The following STOX2 variants were observed in gnomAD, a reference collection of about 807,000 sequenced individuals.
STOX2 encodes the protein storkhead box 2.
Under a neutral mutation model 60.9 loss-of-function variants are expected in STOX2, and 28 were observed. The ratio of observed to expected loss-of-function variants is 0.46; its 90% CI spans 0.34 to 0.63. The LOEUF (loss-of-function observed/expected upper bound fraction) is 0.63. Among genes scored for constraint, STOX2 ranks in the 30% least tolerant of loss-of-function variants. The pLI is 0.01. For synonymous variants in STOX2, 472 were observed against 463.9 expected (o/e 1.02, Z -0.22); for missense variants, 1,024 against 1,187.7 (o/e 0.86, Z 2.03).
At chr4:183,987,318 T>G (rs1732887992) in intron 1 of STOX2, among the ~76,000 whole-genome samples, 1 of 152,102 alleles carries the variant, frequency 6.6e-6, no homozygotes, top group Non-Finnish European at 1.5e-5. Context: ...CTACATGTTT[T>G]CTCTGCTGGC....
intron 1 of STOX2, among the ~76,000 whole-genome samples, chr4:183,897,035 G>A (rs1436655929): frequency 6.6e-6 from 1 of 152,176 alleles, no homozygotes; most frequent in East Asian, 1.9e-4. Context: ...TGCTCTGCCT[G>A]TTGAAGCTTG....
At chr4:183,877,411 C>T (rs1226291528) in intron 1 of STOX2, among the ~76,000 whole-genome samples, 4 of 152,264 alleles carry the variant, frequency 2.6e-5, no homozygotes, top group South Asian at 4.1e-4. Context: ...ACATGAACAC[C>T]AGCCAGTATG....
chr4:183,888,365 C>T (rs62340434), intron 1 of STOX2, among the ~76,000 whole-genome samples: 4,708 of 152,268 alleles, frequency 0.031, 102 homozygotes, highest in South Asian at 0.085. Flanking sequence ...TTATTTTCCC[C>T]GTTTTACAGC....
chr4:183,847,943 C>T (rs1158683036), intron 1 of STOX2, among the ~76,000 whole-genome samples: 1 of 151,984 alleles, frequency 6.6e-6, no homozygotes, highest in Admixed American at 6.6e-5. Flanking sequence ...TACCTTATTA[C>T]CTTTGGTATA....
intron 1 of STOX2, among the ~76,000 whole-genome samples, chr4:183,957,001 G>A (rs1288326685): frequency 1.9e-5 from 2 of 106,616 alleles, no homozygotes; most frequent in Admixed American, 2.8e-4. Flanking sequence ...ATCACACAGT[G>A]TTGTGGGGTG....
chr4:184,000,301 G>C (rs988816618), intron 1 of STOX2, among the ~76,000 whole-genome samples: 1 of 152,138 alleles, frequency 6.6e-6, no homozygotes, highest in Non-Finnish European at 1.5e-5. Flanking sequence ...TATTTGCATT[G>C]TAGGTTGACA....
intron 1 of STOX2, among the ~76,000 whole-genome samples, chr4:183,928,886 C>T (rs1049788583): frequency 1.3e-5 from 2 of 151,738 alleles, no homozygotes; most frequent in Non-Finnish European, 2.9e-5. Context: ...ACCAACCCAC[C>T]ACAGCTGCTG....
At chr4:184,008,153 C>T (rs765702217) in intron 2 of STOX2, among the ~76,000 whole-genome samples, 4 of 152,110 alleles carry the variant, frequency 2.6e-5, no homozygotes, top group Non-Finnish European at 4.4e-5. Flanking sequence ...TCAAGCTGAC[C>T]GATTTCAGGT....
chr4:184,009,136 G>GTTTTTTT lies in STOX2; in HGVS notation c.320-10_320-4dup. 1.4e-5 allele frequency: 10 copies of GTTTTTTT among 716,336 alleles called. No homozygotes were observed. Among genetic ancestry groups the GTTTTTTT allele is most frequent in the East Asian group, 5.8e-5 (2 of 34,318 alleles). The allele number at this position is 716,336 out of a possible 1,614,324, so 44.4% of individuals were successfully genotyped here. On this transcript the variant is annotated intron_variant, in intron 2 of 3. Transcript: ENST00000308497. The surrounding 1 kb of genome is among the most constrained non-coding windows in gnomAD (Gnocchi z 4.0). ...TGTTCTGTCTTCATTCTCACAAGTG[G>GTTTTTTT]TTTTTTTTTTTTTTTTTTCAGGTGT... is the stretch of plus-strand genomic sequence containing the variant.
At chr4:183,832,895 G>A (rs1478989922) in intron 1 of STOX2, among the ~76,000 whole-genome samples, 1 of 152,190 alleles carries the variant, frequency 6.6e-6, no homozygotes, top group Admixed American at 6.5e-5. Flanking sequence ...GTATATTTAA[G>A]GAACAGTGAT....
chr4:183,943,434 T>C (rs1419797258), intron 1 of STOX2, among the ~76,000 whole-genome samples: 3 of 152,158 alleles, frequency 2.0e-5, no homozygotes. Flanking sequence ...GAAACAAAAA[T>C]GAGTTAATTC....
At chr4:183,902,356 GTAAT>G (rs1358457070), upstream of STOX2, among the ~76,000 whole-genome samples, 1 of 152,180 alleles carries the variant, frequency 6.6e-6, no homozygotes, top group Non-Finnish European at 1.5e-5. Context: ...GCAAATCTGT[GTAAT>G]TAGTGTCTCT....
At chr4:183,842,489 T>C (rs1241157073) in intron 1 of STOX2, among the ~76,000 whole-genome samples, 1 of 152,194 alleles carries the variant, frequency 6.6e-6, no homozygotes, top group African/African-American at 2.4e-5. Context: ...TTGATTTCGC[T>C]AACCCCAGGA....
At chr4:183,973,821 C>G (rs1254377735) in intron 1 of STOX2, among the ~76,000 whole-genome samples, 1 of 152,152 alleles carries the variant, frequency 6.6e-6, no homozygotes, top group Non-Finnish European at 1.5e-5. Context: ...TGGGGAAACC[C>G]CATCTCTACT....
chr4:183,882,444 A>C (rs1302237519), intron 1 of STOX2, among the ~76,000 whole-genome samples: 1 of 152,236 alleles, frequency 6.6e-6, no homozygotes, highest in East Asian at 1.9e-4. Flanking sequence ...GGGATATTGC[A>C]AGAGTTCAGT....
chr4:183,892,726 G>A (rs1411015685), intron 1 of STOX2, among the ~76,000 whole-genome samples: 1 of 152,128 alleles, frequency 6.6e-6, no homozygotes, highest in African/African-American at 2.4e-5. Context: ...TCTCATAATC[G>A]ATACATACTT....
At chr4:183,920,233 C>T (rs150423010) in intron 1 of STOX2, among the ~76,000 whole-genome samples, 4 of 152,104 alleles carry the variant, frequency 2.6e-5, no homozygotes, top group Admixed American at 6.5e-5. Flanking sequence ...CTCCTGCCTC[C>T]GCCTCCTGAG....
At chr4:183,888,583 G>A (rs558249585) in intron 1 of STOX2, among the ~76,000 whole-genome samples, 1 of 152,310 alleles carries the variant, frequency 6.6e-6, no homozygotes, top group South Asian at 2.1e-4. Flanking sequence ...GGCTGGTACT[G>A]AGGCAGCACC....
At position 183,973,753 on chromosome 4, in the gene STOX2, T is replaced by C. The variant is rs565768402; in HGVS notation, c.167-27572T>C. Among the ~76,000 whole-genome samples the C allele has an allele frequency of 3.1e-4, 47 of 152,338 alleles. 1 individual carries two copies. In the South Asian group the frequency reaches 9.3e-3, roughly 30 times the overall value. ...GCTCATGCCTCTGATCTCAGCACTT[T>C]GGGAGGCCGAGGTGGGTGGATCACG... On this transcript the variant is annotated intron_variant, in intron 1 of 3. Transcript: ENST00000308497.
Sources: allele counts gnomAD v4.1 joint callset (sites outside exome capture counted in the v4.1 genomes callset), GRCh38; gene constraint gnomAD v4.1.1; non-coding constraint Gnocchi (gnomAD v3.1); transcripts MANE v1.5; gene names NCBI Gene and HGNC (gene_info 2026-07-23, HGNC 2026-07-21).